The following IGFBP2 variants were observed in gnomAD, a reference collection of about 807,000 sequenced individuals.
IGFBP2 encodes the protein insulin-like growth factor-binding protein 2.
Under a neutral mutation model 26.2 loss-of-function variants are expected in IGFBP2, and 12 were observed. The observed-to-expected ratio is 0.46, with a 90% CI of 0.29 to 0.74. The LOEUF is 0.74. Ranked by LOEUF, IGFBP2 falls within the 30% of genes least tolerant of loss-of-function variation. The pLI is 0.09. For missense variants in IGFBP2, 328 were observed against 441.2 expected, an observed-to-expected ratio of 0.74 and a Z score of 2.30; for synonymous variants, 189 against 200.6, an observed-to-expected ratio of 0.94 and a Z score of 0.49.
chr2:216,662,927 C>G (rs1284272047), intron 3 of IGFBP2: 5 of 152,194 alleles, frequency 3.3e-5, no homozygotes, highest in African/African-American at 1.2e-4. Context: ...GATCCCCCCA[C>G]CTCGACCTCC....
At chr2:216,648,193 C>T (rs1302328197) in intron 1 of IGFBP2, among the ~76,000 whole-genome samples, 1 of 152,162 alleles carries the variant, frequency 6.6e-6, no homozygotes, top group African/African-American at 2.4e-5. Context: ...ACGGCTCCTT[C>T]CCTTCCCTTG....
intron 1 of IGFBP2, among the ~76,000 whole-genome samples, chr2:216,660,058 G>A (rs1167151344): frequency 2.0e-5 from 3 of 152,050 alleles, no homozygotes; most frequent in African/African-American, 7.2e-5. Flanking sequence ...CAACTAATTG[G>A]TGCTCTTCCA....
At chr2:216,636,093 G>T (rs189145850) in intron 1 of IGFBP2, among the ~76,000 whole-genome samples, 1 of 152,124 alleles carries the variant, frequency 6.6e-6, no homozygotes, top group South Asian at 2.1e-4. Flanking sequence ...AGAAAAAGGG[G>T]TCAAGGTTGG....
At chr2:216,662,090 C>T in intron 3 of IGFBP2, 92 bp downstream of exon 3, 1 of 1,419,478 alleles carries the variant, frequency 7.0e-7, no homozygotes, top group Non-Finnish European at 9.7e-7. Flanking sequence ...CTATGATCCT[C>T]TGAGGTCTGA....
At chr2:216,658,753 T>C (rs1467168292) in intron 1 of IGFBP2, among the ~76,000 whole-genome samples, 10 of 151,846 alleles carry the variant, frequency 6.6e-5, no homozygotes, top group Admixed American at 6.6e-4. Context: ...GGTTTCACCA[T>C]GTTGGCCAGG....
At chr2:216,637,208 C>G (rs937916315) in intron 1 of IGFBP2, among the ~76,000 whole-genome samples, 1 of 152,204 alleles carries the variant, frequency 6.6e-6, no homozygotes, top group Non-Finnish European at 1.5e-5. Flanking sequence ...TCCCCTCCCC[C>G]CATCTGGACA....
intron 1 of IGFBP2, among the ~76,000 whole-genome samples, chr2:216,649,028 GTACT>G (rs1308970149): frequency 6.6e-6 from 1 of 152,166 alleles, no homozygotes; most frequent in African/African-American, 2.4e-5. Context: ...CTAGCACGCA[GTACT>G]TACTTAGTGT....
chr2:216,641,135 C>T (rs1697605140), intron 1 of IGFBP2, among the ~76,000 whole-genome samples: 1 of 152,122 alleles, frequency 6.6e-6, no homozygotes, highest in African/African-American at 2.4e-5. Context: ...TCCCAGGGTG[C>T]GTGTTGGGGT....
chr2:216,641,917 C>T (rs1320612616), intron 1 of IGFBP2, among the ~76,000 whole-genome samples: 2 of 150,958 alleles, frequency 1.3e-5, no homozygotes, highest in African/African-American at 2.4e-5. Flanking sequence ...GTCTCGATCT[C>T]CTGACCTCAT....
At position 216,633,733 on chromosome 2, in the gene IGFBP2, C is replaced by G. The variant is rs917128142; in HGVS notation, c.210C>G (p.Gly70=). 1.6e-6 allele frequency: 2 copies of G among 1,251,696 alleles called. No homozygotes were observed. Among genetic ancestry groups the G allele is most frequent in the Non-Finnish European group, 2.0e-6 (2 of 1,000,388 alleles). 77.5% of individuals were successfully genotyped at this position (1,251,696 alleles called of 1,614,324 possible). The part of the protein sequence containing the change: ...PPAAVAAVAG[G]ARMPCAELVR... ...CCGCGGTGGCCGCAGTGGCCGGAGG[C>G]GCCCGCATGCCATGCGCGGAGCTCG... Residue 70 remains glycine (G), a synonymous_variant, in exon 1 of 4, where the codon GGC becomes GGG. Transcript: ENST00000233809.
chr2:216,648,584 G>T (rs892181961), intron 1 of IGFBP2, among the ~76,000 whole-genome samples: 9 of 152,092 alleles, frequency 5.9e-5, no homozygotes, highest in African/African-American at 1.9e-4. Flanking sequence ...ATGAGGGGTG[G>T]TTGGTGTGAG....
chr2:216,659,829 A>G (rs1209426660), intron 1 of IGFBP2: 9 of 1,108,306 alleles, frequency 8.1e-6, no homozygotes, highest in Admixed American at 2.0e-5. Flanking sequence ...TGGGCTGCAC[A>G]GACAGACTTG....
At chr2:216,655,698 C>G (rs1253337631) in intron 1 of IGFBP2, among the ~76,000 whole-genome samples, 3 of 152,080 alleles carry the variant, frequency 2.0e-5, no homozygotes, top group Non-Finnish European at 4.4e-5. Flanking sequence ...AGTTCAAGAC[C>G]AGCCTGGCCA....
intron 1 of IGFBP2, among the ~76,000 whole-genome samples, chr2:216,642,730 A>C (rs545004321): frequency 5.9e-5 from 9 of 152,186 alleles, no homozygotes; most frequent in Middle Eastern, 3.4e-3. Context: ...GGTTGGAGGG[A>C]CTATGGGGAA....
chr2:216,639,352 G>A (rs1387493781), intron 1 of IGFBP2, among the ~76,000 whole-genome samples: 3 of 151,894 alleles, frequency 2.0e-5, no homozygotes, highest in Non-Finnish European at 4.4e-5. Context: ...GTTCGATATT[G>A]ATATGAGGAA....
At chr2:216,660,888 G>A (rs1688626881) in intron 2 of IGFBP2, 102 bp downstream of exon 2, 1 of 865,750 alleles carries the variant, frequency 1.2e-6, no homozygotes, top group Non-Finnish European at 1.8e-6. Context: ...GGTGTGACCT[G>A]TAGGCAAAGC....
intron 1 of IGFBP2, among the ~76,000 whole-genome samples, chr2:216,641,581 CTG>C (rs1054050440): frequency 4.6e-5 from 7 of 151,960 alleles, no homozygotes; most frequent in Non-Finnish European, 8.8e-5. Flanking sequence ...GGCAATGAAA[CTG>C]TACTTTAAAT....
At chr2:216,653,744 G>A (rs958633649) in intron 1 of IGFBP2, among the ~76,000 whole-genome samples, 26 of 152,128 alleles carry the variant, frequency 1.7e-4, no homozygotes, top group African/African-American at 6.3e-4. Flanking sequence ...TCAAGCCCCC[G>A]ACTAATGGCT....
chr2:216,647,816 G>A (rs150976331), intron 1 of IGFBP2, among the ~76,000 whole-genome samples: 12 of 152,110 alleles, frequency 7.9e-5, no homozygotes, highest in Middle Eastern at 3.4e-3. Flanking sequence ...CACTGCGCCC[G>A]GCCCTTATTT....
Sources: gnomAD v4.1 joint callset for allele counts (sites outside exome capture counted in the v4.1 genomes callset) on GRCh38, gnomAD v4.1.1 for gene constraint, MANE v1.5 for transcripts, NCBI Gene and HGNC (gene_info 2026-07-23, HGNC 2026-07-21) for gene names.